CAMK2D: variants seen among roughly 807,000 people sequenced by gnomAD.
CAMK2D encodes the protein calcium/calmodulin dependent protein kinase II delta, also known as calcium/calmodulin-dependent protein kinase type II subunit delta.
A neutral mutation model predicts 84.0 loss-of-function variants in CAMK2D; 37 were observed. That is an observed-to-expected ratio of 0.44 (90% confidence interval 0.34 to 0.58). The LOEUF is 0.58. CAMK2D is among the 20% of genes least tolerant of loss of function. The pLI, the probability that CAMK2D is intolerant of heterozygous loss-of-function variation, is 0.02. For missense variants in CAMK2D, 448 were observed against 652.5 expected, an observed-to-expected ratio of 0.69 and a Z score of 3.41; for synonymous variants, 202 against 212.5, an observed-to-expected ratio of 0.95 and a Z score of 0.43.
rs996584046 is a variant in CAMK2D at position 113,537,505 on chromosome 4, A to G, written c.415-62T>C. ...GAACCTATTTTAAGCGACTATTCAA[A>G]ACTAACAACATTTTACAGGATTAGG... On this transcript the variant is annotated intron_variant, in intron 6 of 20. Transcript: ENST00000511664. The G allele has an allele frequency of 1.1e-5, 11 of 968,088 alleles. No homozygotes were observed. The South Asian group carries it at 1.5e-4, about 13-fold the overall frequency. The allele number at this position is 968,088 out of a possible 1,614,324, so 60.0% of individuals were successfully genotyped here.
intron 2 of CAMK2D, among the ~76,000 whole-genome samples, chr4:113,692,238 C>T (rs1035292381): frequency 2.6e-5 from 4 of 152,078 alleles, no homozygotes; most frequent in Non-Finnish European, 5.9e-5. Context: ...AGAATGCAAA[C>T]AGTTATCCTC....
intron 8 of CAMK2D, among the ~76,000 whole-genome samples, chr4:113,529,040 T>C (rs2098440696): frequency 6.6e-6 from 1 of 152,180 alleles, no homozygotes; most frequent in African/African-American, 2.4e-5. Flanking sequence ...ATTGTCTTCC[T>C]TTAAAGTGCA....
At chr4:113,745,967 A>C (rs1318457075) in intron 2 of CAMK2D, among the ~76,000 whole-genome samples, 1 of 152,194 alleles carries the variant, frequency 6.6e-6, no homozygotes, top group African/African-American at 2.4e-5. Flanking sequence ...AGGAGTCTCT[A>C]AATGTTCCTT....
At chr4:113,692,292 GA>G (rs2099389205) in intron 2 of CAMK2D, among the ~76,000 whole-genome samples, 1 of 151,998 alleles carries the variant, frequency 6.6e-6, no homozygotes, top group South Asian at 2.1e-4. Flanking sequence ...ACATCAATTT[GA>G]TATCGTTCAC....
At chr4:113,581,644 C>T (rs947752322) in intron 4 of CAMK2D, among the ~76,000 whole-genome samples, 4 of 151,422 alleles carry the variant, frequency 2.6e-5, no homozygotes, top group Non-Finnish European at 5.9e-5. Context: ...AAACTGAGCT[C>T]ACAGAAATAA....
chr4:113,740,678 A>T (rs1184780780), intron 2 of CAMK2D, among the ~76,000 whole-genome samples: 3 of 152,042 alleles, frequency 2.0e-5, no homozygotes, highest in Non-Finnish European at 1.5e-5. Context: ...ACTAGATCTA[A>T]TGTAGATCAA....
intron 2 of CAMK2D, among the ~76,000 whole-genome samples, chr4:113,693,917 A>C (rs1324020373): frequency 6.6e-6 from 1 of 152,168 alleles, no homozygotes; most frequent in Non-Finnish European, 1.5e-5. Context: ...ACCATTCTAT[A>C]AGCATTCCAA....
chr4:113,620,518 T>A (rs2099041237), intron 3 of CAMK2D, among the ~76,000 whole-genome samples: 1 of 151,758 alleles, frequency 6.6e-6, no homozygotes, highest in African/African-American at 2.4e-5. Context: ...AGAGTTTTTT[T>A]TTTTTTTTGA....
intron 16 of CAMK2D, among the ~76,000 whole-genome samples, chr4:113,495,063 C>A (rs886456651): frequency 6.6e-6 from 1 of 152,166 alleles, no homozygotes; most frequent in Non-Finnish European, 1.5e-5. Flanking sequence ...TGAGATGAAC[C>A]CGGTACCTCA....
chr4:113,706,695 G>C (rs1291021911), intron 2 of CAMK2D, among the ~76,000 whole-genome samples: 1 of 152,144 alleles, frequency 6.6e-6, no homozygotes, highest in Non-Finnish European at 1.5e-5. Flanking sequence ...TAAATGGCAA[G>C]CTTATTAAAT....
chr4:113,590,538 C>T (rs965383803), intron 4 of CAMK2D, among the ~76,000 whole-genome samples: 3 of 152,086 alleles, frequency 2.0e-5, no homozygotes, highest in African/African-American at 7.2e-5. Context: ...TTCATTAACA[C>T]GTCTATCACT....
intron 6 of CAMK2D, among the ~76,000 whole-genome samples, chr4:113,546,536 G>C (rs1214564710): frequency 6.6e-6 from 1 of 152,160 alleles, no homozygotes; most frequent in Non-Finnish European, 1.5e-5. Context: ...TTGGTTTAGA[G>C]ATATAGTCTT....
rs181960014 is a variant in CAMK2D, at chr4:113,760,955, C to G, written c.65+49G>C. On this transcript the variant is annotated intron_variant, in intron 1 of 20. Coordinates refer to ENST00000511664, the MANE Select transcript of CAMK2D (RefSeq NM_001321571.2). Reference sequence around the variant, plus strand: ...CCGGTGGGTCGGGGGCAACGCGACCCGCCCTCAGCTGGAAAGGGGATATGC... The same window carrying G: ...CCGGTGGGTCGGGGGCAACGCGACCGGCCCTCAGCTGGAAAGGGGATATGC... The G allele has an allele frequency of 1.1e-3, 1,722 of 1,612,950 alleles. 13 individuals carry two copies. In the African/African-American group the frequency reaches 0.02, roughly 19 times the overall value.
intron 3 of CAMK2D, among the ~76,000 whole-genome samples, chr4:113,632,619 TA>T (rs545435732): frequency 1.4e-3 from 203 of 143,116 alleles, no homozygotes; most frequent in Admixed American, 1.6e-3. Context: ...TAGCTCAGTT[TA>T]AAAAAAAAAA....
At chr4:113,629,838 T>C (rs2099082512) in intron 3 of CAMK2D, among the ~76,000 whole-genome samples, 1 of 151,890 alleles carries the variant, frequency 6.6e-6, no homozygotes, top group Admixed American at 6.6e-5. Context: ...CATTCTATTA[T>C]TTTATTGTGA....
intron 2 of CAMK2D, among the ~76,000 whole-genome samples, chr4:113,699,202 A>C (rs2099411224): frequency 6.6e-6 from 1 of 152,080 alleles, no homozygotes; most frequent in African/African-American, 2.4e-5. Context: ...GGGATGGTAT[A>C]TCTCTCATAG....
intron 2 of CAMK2D, among the ~76,000 whole-genome samples, chr4:113,748,429 T>C (rs2099609646): frequency 6.6e-6 from 1 of 152,162 alleles, no homozygotes; most frequent in Admixed American, 6.5e-5. Context: ...TTTGATGATA[T>C]TTAATCCTCT....
Position 113,490,758 on chromosome 4 carries a change from T to C in CAMK2D, c.1135+9705A>G, listed in dbSNP as rs1226346443. On this transcript the variant is annotated intron_variant, in intron 16 of 20. Coordinates refer to ENST00000511664, the MANE Select transcript of CAMK2D (RefSeq NM_001321571.2). ...AGTATGGTCATTTTCACGATATTGA[T>C]TCTTCCTACCCATGAGCATGGAATG... Among the ~76,000 whole-genome samples, 4 of 145,770 alleles carry C rather than the reference T, an allele frequency of 2.7e-5. No homozygotes were observed. The East Asian group carries it at 7.8e-4, about 28-fold the overall frequency.
At chr4:113,747,080 C>T (rs950986233) in intron 2 of CAMK2D, among the ~76,000 whole-genome samples, 20 of 150,038 alleles carry the variant, frequency 1.3e-4, no homozygotes, top group African/African-American at 4.1e-4. Context: ...CAAAATCTTA[C>T]ATATTAATTT....
Sources: gnomAD v4.1 joint callset for allele counts (sites outside exome capture counted in the v4.1 genomes callset) on GRCh38, gnomAD v4.1.1 for gene constraint, MANE v1.5 for transcripts, NCBI Gene and HGNC (gene_info 2026-07-23, HGNC 2026-07-21) for gene names.